Variants in NLGN1 observed in about 807,000 individuals in gnomAD.
NLGN1 encodes neuroligin-1.
In NLGN1, 12 loss-of-function variants were observed where a neutral mutation model predicts 65.5. That is an observed-to-expected ratio of 0.18 (90% confidence interval 0.12 to 0.30). NLGN1 has a LOEUF of 0.30. NLGN1 is among the 10% of genes least tolerant of loss of function. NLGN1 has a pLI of 1.00. For synonymous variants in NLGN1, 350 were observed against 359.5 expected (o/e 0.97, Z 0.30); for missense variants, 750 against 1,007.1 (o/e 0.74, Z 3.46).
chr3:173,562,814 G>A (rs1208289154), intron 2 of NLGN1, among the ~76,000 whole-genome samples: 2 of 152,086 alleles, frequency 1.3e-5, no homozygotes, highest in Non-Finnish European at 2.9e-5. Context: ...CTCCCAGTGA[G>A]CCACAGTTTT....
chr3:173,425,917 T>G (rs1200264180), intron 1 of NLGN1, among the ~76,000 whole-genome samples: 2 of 152,148 alleles, frequency 1.3e-5, no homozygotes, highest in South Asian at 2.1e-4. Flanking sequence ...GTAGATCACT[T>G]TGGGTAGTAT....
At chr3:174,017,771 G>A (rs1388509695) in intron 4 of NLGN1, among the ~76,000 whole-genome samples, 1 of 152,250 alleles carries the variant, frequency 6.6e-6, no homozygotes, top group Non-Finnish European at 1.5e-5. Flanking sequence ...GAGATCACAT[G>A]CTTCACAAGG....
At chr3:173,761,690 T>A (rs916361228) in intron 3 of NLGN1, among the ~76,000 whole-genome samples, 11 of 152,202 alleles carry the variant, frequency 7.2e-5, no homozygotes, top group African/African-American at 2.6e-4. Flanking sequence ...ATATTTCTTC[T>A]AGTCTGGTAG....
At chr3:174,102,263 G>T (rs544730793) in intron 4 of NLGN1, among the ~76,000 whole-genome samples, 3 of 151,898 alleles carry the variant, frequency 2.0e-5, no homozygotes, top group South Asian at 4.2e-4. Flanking sequence ...ATTCACACAT[G>T]GGGGGGTATA....
intron 3 of NLGN1, among the ~76,000 whole-genome samples, chr3:173,700,438 C>G (rs900234219): frequency 6.6e-6 from 1 of 152,146 alleles, no homozygotes; most frequent in South Asian, 2.1e-4. Context: ...GTACTTTGTA[C>G]TCTACAGGCA....
At chr3:173,981,075 G>T (rs2152393115) in intron 4 of NLGN1, among the ~76,000 whole-genome samples, 1 of 152,102 alleles carries the variant, frequency 6.6e-6, no homozygotes, top group East Asian at 1.9e-4. Flanking sequence ...GAGGCTGTGG[G>T]CACTGGAGTC....
At chr3:174,250,726 ATCATAAACAATT>A (rs1744612506) in intron 4 of NLGN1, among the ~76,000 whole-genome samples, 1 of 152,020 alleles carries the variant, frequency 6.6e-6, no homozygotes, top group Admixed American at 6.6e-5. Flanking sequence ...TTTACTTCTG[ATCATAAACAATT>A]TAAAAACTAT....
intron 3 of NLGN1, among the ~76,000 whole-genome samples, chr3:173,762,376 T>C (rs1778093473): frequency 6.6e-6 from 1 of 152,028 alleles, no homozygotes; most frequent in Non-Finnish European, 1.5e-5. Flanking sequence ...AAAGTGACGA[T>C]GCAAACACAT....
At chr3:174,032,412 T>A (rs902508483) in intron 4 of NLGN1, among the ~76,000 whole-genome samples, 8 of 152,186 alleles carry the variant, frequency 5.3e-5, no homozygotes, top group Non-Finnish European at 8.8e-5. Context: ...TTAGGTGGTA[T>A]CAATGCATAG....
intron 4 of NLGN1, among the ~76,000 whole-genome samples, chr3:174,215,167 C>T (rs529953120): frequency 8.7e-4 from 133 of 152,224 alleles, no homozygotes; most frequent in Non-Finnish European, 1.4e-3. Flanking sequence ...AGATCATCAC[C>T]TCTGACTTAA....
chr3:174,081,967 C>G (rs1252156334), intron 4 of NLGN1, among the ~76,000 whole-genome samples: 1 of 152,154 alleles, frequency 6.6e-6, no homozygotes, highest in African/African-American at 2.4e-5. Flanking sequence ...TTCCTACTAT[C>G]CAGTTTATCC....
At chr3:174,059,370 T>C (rs1736885078) in intron 4 of NLGN1, among the ~76,000 whole-genome samples, 1 of 152,124 alleles carries the variant, frequency 6.6e-6, no homozygotes, top group Non-Finnish European at 1.5e-5. Flanking sequence ...CGTTCAACAG[T>C]GTTTTTCATT....
chr3:174,150,608 C>A (rs772638674), intron 4 of NLGN1, among the ~76,000 whole-genome samples: 1 of 152,114 alleles, frequency 6.6e-6, no homozygotes, highest in Non-Finnish European at 1.5e-5. Context: ...AGTTACACAG[C>A]ATAATCGAAT....
chr3:174,152,833 A>C (rs797019561), intron 4 of NLGN1, among the ~76,000 whole-genome samples: 1 of 152,118 alleles, frequency 6.6e-6, no homozygotes, highest in Non-Finnish European at 1.5e-5. Flanking sequence ...ATAACACGAT[A>C]ATCCTAAACC....
rs34830188 is a variant in NLGN1 at position 173,766,088 on chromosome 3, C to CTTT, written c.494-41578_494-41576dup. 1.1e-3 allele frequency among the ~76,000 whole-genome samples: 152 copies of CTTT among 135,862 alleles called. 2 individuals carry two copies. The highest frequency in any genetic ancestry group is 3.8e-3 in the African/African-American group (143 of 37,184). 89.1% of individuals were successfully genotyped at this position (135,862 alleles called of 152,430 possible). On this transcript the variant is annotated intron_variant, in intron 3 of 6. Coordinates refer to ENST00000457714, the Ensembl canonical transcript of NLGN1. ...TAGAATCTTCCTTATTATGTTTTGT[C>CTTT]TTTTTTTTTTTTTTTTCTGAGACAG...
At chr3:173,876,431 A>G (rs961768655) in intron 4 of NLGN1, among the ~76,000 whole-genome samples, 1 of 152,192 alleles carries the variant, frequency 6.6e-6, no homozygotes, top group African/African-American at 2.4e-5. Context: ...CATCAAATTG[A>G]AACACTTCTT....
intron 4 of NLGN1, among the ~76,000 whole-genome samples, chr3:173,887,751 A>C (rs1368983680): frequency 8.6e-6 from 1 of 116,816 alleles, no homozygotes; most frequent in Admixed American, 1.2e-4. Flanking sequence ...TCTAAAAATA[A>C]CCAGCTCTAA....
At position 173,455,705 on chromosome 3, in the gene NLGN1, AGTATATATATGTGT is replaced by A. The variant is rs531137962; in HGVS notation, c.-321+20654_-321+20667del. On this transcript the variant is annotated intron_variant, in intron 2 of 6. Coordinates refer to ENST00000457714, the Ensembl canonical transcript of NLGN1. Reference sequence around the variant, plus strand: ...AACAATAAAACAAGGTTAGCCTGTGAGTATATATATGTGTGTATATATATGTGTGTATATATATG... The same window carrying A: ...AACAATAAAACAAGGTTAGCCTGTGAGTATATATATGTGTGTATATATATG... 9.3e-4 allele frequency among the ~76,000 whole-genome samples: 142 copies of A among 152,200 alleles called. No homozygotes were observed. The East Asian group carries it at 0.016, about 18-fold the overall frequency.
chr3:174,217,648 T>C (rs778747969), intron 4 of NLGN1, among the ~76,000 whole-genome samples: 1 of 152,026 alleles, frequency 6.6e-6, no homozygotes, highest in Non-Finnish European at 1.5e-5. Context: ...AGCTCCACTT[T>C]GTGGGGAACA....
Sources: allele counts gnomAD v4.1 joint callset (sites outside exome capture counted in the v4.1 genomes callset), GRCh38; gene constraint gnomAD v4.1.1; transcripts MANE v1.5; gene names NCBI Gene and HGNC (gene_info 2026-07-23, HGNC 2026-07-21).